Variants in AFF3 observed in about 807,000 individuals in gnomAD.
AFF3 encodes ALF transcription elongation factor 3.
Under a neutral mutation model 129.7 loss-of-function variants are expected in AFF3, and 32 were observed. That is an observed-to-expected ratio of 0.25 (90% CI 0.19 to 0.33). The LOEUF (loss-of-function observed/expected upper bound fraction) is 0.33. AFF3 is among the 10% of genes least tolerant of loss of function. AFF3 has a pLI of 1.00. For synonymous variants in AFF3, 644 were observed against 635.4 expected, an observed-to-expected ratio of 1.01 and a Z score of -0.20; for missense variants, 1,373 against 1,592.0, an observed-to-expected ratio of 0.86 and a Z score of 2.34.
In AFF3 at chr2:99,593,778, C is replaced by T; in HGVS notation, c.1883G>A (p.Arg628Lys). Residue 628 changes from arginine (R) to lysine (K), a missense_variant, in exon 15 of 25, where the codon AGG (arginine) becomes AAG (lysine). Arg to Lys is a conservative substitution (Grantham distance 26). Around this residue, in one of 9 missense-constraint regions of AFF3, gnomAD observed 466 missense variants for 505.0 expected, o/e 0.92. Transcript: ENST00000672756. ...GCTCGCTCTGTTGTTGCCACAGGGC[C>T]TGGTTTTGGTGGGCTCCGGGGGGAC... ...VVVPPEPTKT[R>K]PCGNNRASHR... 6.2e-7 allele frequency: 1 copy of T among 1,612,346 alleles called. No homozygotes were observed. The highest frequency in any genetic ancestry group is 8.5e-7 in the Non-Finnish European group (1 of 1,179,888).
chr2:99,788,766 A>G (rs996294060), intron 8 of AFF3, among the ~76,000 whole-genome samples: 4 of 152,202 alleles, frequency 2.6e-5, no homozygotes, highest in African/African-American at 9.7e-5. Context: ...TCACTGACTC[A>G]CCCAGAGCAA....
rs1032859381 is a variant in AFF3 at position 99,606,552 on chromosome 2, G to GT, written c.1185-4932dup. ...AAAAAATCCAACACTGGGTTAATGA[G>GT]TTTTTTTTTTAAAAAAGAGATTGAA... On this transcript the variant is annotated intron_variant, in intron 13 of 24. Coordinates refer to ENST00000672756, the MANE Select transcript of AFF3 (RefSeq NM_001386135.1). Among the ~76,000 whole-genome samples, 376 of 151,724 alleles carry GT rather than the reference G, an allele frequency of 2.5e-3. 2 individuals are homozygous for GT. The highest frequency in any genetic ancestry group is 0.01 in the Middle Eastern group (3 of 292).
chr2:99,954,252 C>T (rs1676423292), intron 7 of AFF3, among the ~76,000 whole-genome samples: 1 of 151,914 alleles, frequency 6.6e-6, no homozygotes, highest in African/African-American at 2.4e-5. Context: ...AACAATTTGC[C>T]ATTCTGATAA....
At chr2:99,985,108 T>C (rs1328531260) in intron 7 of AFF3, among the ~76,000 whole-genome samples, 1 of 152,194 alleles carries the variant, frequency 6.6e-6, no homozygotes, top group East Asian at 1.9e-4. Context: ...AATACACAGA[T>C]GTGAGGCATT....
chr2:100,106,850 T>C, intron 2 of AFF3: 1 of 985,320 alleles, frequency 1.0e-6, no homozygotes, highest in Non-Finnish European at 1.2e-6. Context: ...AGGCTGAAGA[T>C]AAATAGATGA....
At chr2:99,650,470 A>AATCGCTT (rs1685134855) in intron 12 of AFF3, among the ~76,000 whole-genome samples, 1 of 152,170 alleles carries the variant, frequency 6.6e-6, no homozygotes, top group Non-Finnish European at 1.5e-5. Context: ...GAGGCAAGAG[A>AATCGCTT]ATCGCTTGAA....
At chr2:100,107,933 G>A (rs1691374973) in intron 2 of AFF3, among the ~76,000 whole-genome samples, 1 of 152,192 alleles carries the variant, frequency 6.6e-6, no homozygotes, top group South Asian at 2.1e-4. Flanking sequence ...TTGTAACCAA[G>A]TGGGATTTTT....
intron 7 of AFF3, among the ~76,000 whole-genome samples, chr2:99,876,217 G>A (rs1692284799): frequency 6.6e-6 from 1 of 152,136 alleles, no homozygotes; most frequent in Non-Finnish European, 1.5e-5. Context: ...AGTCCTGAAT[G>A]TGCATCTCCA....
intron 7 of AFF3, among the ~76,000 whole-genome samples, chr2:99,973,670 T>C (rs957675799): frequency 1.3e-5 from 2 of 152,306 alleles, no homozygotes; most frequent in Non-Finnish European, 1.5e-5. Flanking sequence ...TTCCCCTTTT[T>C]AGGTAAATAC....
At chr2:99,669,468 T>C (rs1481901377) in intron 12 of AFF3, among the ~76,000 whole-genome samples, 2 of 151,744 alleles carry the variant, frequency 1.3e-5, no homozygotes, top group Admixed American at 6.6e-5. Flanking sequence ...ACACAAAGAG[T>C]ACATGCCGAA....
At chr2:99,751,653 T>C (rs746272133) in intron 9 of AFF3, among the ~76,000 whole-genome samples, 2 of 152,202 alleles carry the variant, frequency 1.3e-5, no homozygotes, top group African/African-American at 2.4e-5. Flanking sequence ...ATAATGAGTA[T>C]GTAGTATGTG....
At chr2:99,652,591 T>C (rs1343489104) in intron 12 of AFF3, among the ~76,000 whole-genome samples, 1 of 151,952 alleles carries the variant, frequency 6.6e-6, no homozygotes, top group Admixed American at 6.6e-5. Context: ...AACACTGAAT[T>C]AGGAAAACCA....
chr2:99,644,853 G>A (rs1356403307), intron 13 of AFF3, among the ~76,000 whole-genome samples: 1 of 152,118 alleles, frequency 6.6e-6, no homozygotes, highest in African/African-American at 2.4e-5. Flanking sequence ...GCAGTGCAGA[G>A]GGTCCACACC....
chr2:99,754,063 G>T (rs932894381), intron 8 of AFF3, among the ~76,000 whole-genome samples: 1 of 152,148 alleles, frequency 6.6e-6, no homozygotes, highest in Non-Finnish European at 1.5e-5. Flanking sequence ...GTTACTACCC[G>T]ATTAAGAAAG....
chr2:99,596,072 G>A (rs920296244), intron 14 of AFF3, among the ~76,000 whole-genome samples: 2 of 152,214 alleles, frequency 1.3e-5, no homozygotes, highest in African/African-American at 4.8e-5. Context: ...CCCTGGCCCC[G>A]ACACAGATTC....
intron 11 of AFF3, among the ~76,000 whole-genome samples, chr2:99,697,538 T>C (rs1676412617): frequency 6.6e-6 from 1 of 152,242 alleles, no homozygotes; most frequent in Admixed American, 6.5e-5. Flanking sequence ...TTTCTGGACA[T>C]ACCTCTACTG....
intron 4 of AFF3, among the ~76,000 whole-genome samples, chr2:100,017,067 T>C (rs62149316): frequency 0.26 from 39,258 of 151,696 alleles, 7,942 homozygotes; most frequent in African/African-American, 0.56. Flanking sequence ...GTGGTGGTAA[T>C]GGTGTTGGTG....
chr2:99,582,738 A>G (rs942266359), intron 17 of AFF3, 60 bp downstream of exon 17: 9 of 1,566,434 alleles, frequency 5.7e-6, no homozygotes, highest in Non-Finnish European at 7.9e-6. Context: ...TTAGAGACAG[A>G]GCTTGGGGGT....
chr2:99,857,467 A>G (rs1690612461), intron 7 of AFF3, among the ~76,000 whole-genome samples: 1 of 152,220 alleles, frequency 6.6e-6, no homozygotes, highest in Admixed American at 6.5e-5. Context: ...AGGGCTGTTT[A>G]TTTCACTGTA....
Sources: gnomAD v4.1 joint callset for allele counts (sites outside exome capture counted in the v4.1 genomes callset) on GRCh38, gnomAD v4.1.1 for gene constraint, gnomAD v4.1.1 regional missense constraint, MANE v1.5 for transcripts, NCBI Gene and HGNC (gene_info 2026-07-23, HGNC 2026-07-21) for gene names.